The following CDH12 variants were observed in gnomAD, a reference collection of about 807,000 sequenced individuals.
The protein encoded by CDH12 is cadherin 12, also known as cadherin-12.
CDH12 carries 41 observed loss-of-function variants against 74.1 expected under a neutral mutation model. The ratio of observed to expected loss-of-function variants is 0.55; its 90% CI spans 0.43 to 0.72. The LOEUF (loss-of-function observed/expected upper bound fraction) is 0.72. Ranked by LOEUF, CDH12 falls within the 30% of genes least tolerant of loss-of-function variation. CDH12 has a pLI of 0.00. For missense variants in CDH12, 945 were observed against 977.2 expected (o/e 0.97, Z 0.44); for synonymous variants, 399 against 355.0 (o/e 1.12, Z -1.39).
At chr5:21,925,959 T>C (rs1235822713) in intron 6 of CDH12, among the ~76,000 whole-genome samples, 2 of 152,020 alleles carry the variant, frequency 1.3e-5, no homozygotes, top group Non-Finnish European at 2.9e-5. Flanking sequence ...AAAGAAATGA[T>C]TTCTGGCATC....
chr5:22,814,381 T>C (rs2126457242), intron 1 of CDH12, among the ~76,000 whole-genome samples: 1 of 152,314 alleles, frequency 6.6e-6, no homozygotes, highest in East Asian at 1.9e-4. Flanking sequence ...AAAAATTTTG[T>C]GCTTGCTATT....
At chr5:22,482,513 T>A (rs1746423134) in intron 2 of CDH12, among the ~76,000 whole-genome samples, 1 of 152,142 alleles carries the variant, frequency 6.6e-6, no homozygotes, top group African/African-American at 2.4e-5. Context: ...TATTTAAAAC[T>A]TATCATGTAT....
chr5:22,459,737 C>G (rs188513998), intron 2 of CDH12, among the ~76,000 whole-genome samples: 5 of 152,022 alleles, frequency 3.3e-5, no homozygotes, highest in Non-Finnish European at 5.9e-5. Flanking sequence ...CACTTTGAGG[C>G]GGGTGGATCA....
chr5:21,930,080 T>C (rs975465760), intron 6 of CDH12, among the ~76,000 whole-genome samples: 1 of 152,160 alleles, frequency 6.6e-6, no homozygotes, highest in African/African-American at 2.4e-5. Context: ...AGTAACATAG[T>C]AAATATGGAT....
chr5:22,061,432 T>C (rs141271528), intron 5 of CDH12, among the ~76,000 whole-genome samples: 81 of 152,298 alleles, frequency 5.3e-4, no homozygotes, highest in Admixed American at 1.0e-3. Flanking sequence ...AATTCATTCG[T>C]ATTCAAATAT....
At chr5:22,493,212 C>T (rs1037781936) in intron 2 of CDH12, among the ~76,000 whole-genome samples, 2 of 152,172 alleles carry the variant, frequency 1.3e-5, no homozygotes, top group African/African-American at 4.8e-5. Flanking sequence ...GAATTAAACT[C>T]CCAGTGTGCC....
In CDH12 at chr5:22,801,513, C is replaced by T. The variant is rs549415663; in HGVS notation, c.-523+51545G>A. On this transcript the variant is annotated intron_variant, in intron 1 of 14. Coordinates refer to ENST00000382254, the MANE Select transcript of CDH12 (RefSeq NM_004061.5). ...ATTATCTTTCGTTTCCTCCAGCTGA[C>T]GAATTTGTCTTTTAACATCCTACAA... Among the ~76,000 whole-genome samples the T allele has an allele frequency of 3.5e-4, 53 of 151,504 alleles. 1 individual carries two copies. Among genetic ancestry groups the T allele is most frequent in the Admixed American group, 2.5e-3 (38 of 15,192 alleles).
intron 1 of CDH12, among the ~76,000 whole-genome samples, chr5:22,686,071 T>C (rs965731335): frequency 2.0e-5 from 3 of 152,188 alleles, no homozygotes; most frequent in Non-Finnish European, 4.4e-5. Context: ...ACTGTCCTTC[T>C]TTTTGATTAT....
intron 1 of CDH12, among the ~76,000 whole-genome samples, chr5:22,587,241 G>A (rs1740450166): frequency 6.6e-6 from 1 of 151,818 alleles, no homozygotes; most frequent in South Asian, 2.1e-4. Context: ...AGTATGATGG[G>A]GTATTCACTT....
chr5:22,305,766 C>G (rs1206355767), intron 3 of CDH12, among the ~76,000 whole-genome samples: 1 of 152,192 alleles, frequency 6.6e-6, no homozygotes, highest in Non-Finnish European at 1.5e-5. Flanking sequence ...CATATTCAAG[C>G]ATTCACTCAC....
chr5:22,106,033 A>G (rs1744421642), intron 4 of CDH12, among the ~76,000 whole-genome samples: 1 of 152,204 alleles, frequency 6.6e-6, no homozygotes, highest in Admixed American at 6.5e-5. Context: ...TACTATTGCC[A>G]TAGAAGTTTC....
chr5:22,426,056 G>GC (rs1743921873), intron 2 of CDH12, among the ~76,000 whole-genome samples: 5 of 151,666 alleles, frequency 3.3e-5, no homozygotes, highest in African/African-American at 1.2e-4. Flanking sequence ...GTGTGGTGGC[G>GC]GGCGCCTGTA....
At chr5:22,585,147 C>T (rs553110722) in intron 1 of CDH12, among the ~76,000 whole-genome samples, 2 of 152,058 alleles carry the variant, frequency 1.3e-5, no homozygotes, top group African/African-American at 4.8e-5. Flanking sequence ...CTGAAAGTAA[C>T]GTTGTTTTTG....
intron 11 of CDH12, among the ~76,000 whole-genome samples, chr5:21,775,425 G>A (rs1428658861): frequency 6.6e-6 from 1 of 152,098 alleles, no homozygotes; most frequent in African/African-American, 2.4e-5. Context: ...GAATGAGAAG[G>A]AGGGCAGACT....
In CDH12 at chr5:22,284,950, G is replaced by GAAA. The variant is rs58641614; in HGVS notation, c.-332-72310_-332-72308dup. Among the ~76,000 whole-genome samples the GAAA allele has an allele frequency of 1.3e-4, 18 of 140,576 alleles. 1 individual carries two copies. The highest frequency in any genetic ancestry group is 3.1e-4 in the African/African-American group (12 of 38,360). The allele number at this position is 140,576 out of a possible 152,430, so 92.2% of individuals were successfully genotyped here. A position where few individuals can be genotyped will look rare whatever the true frequency, so the allele number is the denominator to read the frequency against. Reference sequence around the variant, plus strand: ...AAGAGAAAAAAAGGGAAGAAGAAATGAAAAAAAAAAAAGCATTGAGCAAAG... The same window carrying GAAA: ...AAGAGAAAAAAAGGGAAGAAGAAATGAAAAAAAAAAAAAAAGCATTGAGCAAAG... On this transcript the variant is annotated intron_variant, in intron 3 of 14. Coordinates refer to ENST00000382254, the MANE Select transcript of CDH12 (RefSeq NM_004061.5).
chr5:21,817,784 A>C (rs1259629736), intron 8 of CDH12, among the ~76,000 whole-genome samples: 1 of 150,648 alleles, frequency 6.6e-6, no homozygotes, highest in Non-Finnish European at 1.5e-5. Flanking sequence ...TTAAATCATA[A>C]AGTTCTGTCT....
chr5:22,510,128 C>A (rs571714531), intron 1 of CDH12, among the ~76,000 whole-genome samples: 63 of 151,994 alleles, frequency 4.1e-4, no homozygotes, highest in African/African-American at 1.5e-3. Flanking sequence ...GTAATAGACA[C>A]ATAATACACA....
rs559474529 is a variant in CDH12 at position 21,942,389 on chromosome 5, CATAT to C, written c.526+32698_526+32701del. On this transcript the variant is annotated intron_variant, in intron 6 of 14. Coordinates refer to ENST00000382254, the MANE Select transcript of CDH12 (RefSeq NM_004061.5). ...ACACACACACACACACACACACACA[CATAT>C]ATATGTGTGGGTGTGTATTAGGAAA... 4.9e-3 allele frequency among the ~76,000 whole-genome samples: 575 copies of C among 117,886 alleles called. 1 individual carries two copies. Among genetic ancestry groups the C allele is most frequent in the African/African-American group, 0.017 (521 of 31,410 alleles). 77.3% of individuals were successfully genotyped at this position (117,886 alleles called of 152,430 possible). A position where few individuals can be genotyped will look rare whatever the true frequency, so the allele number is the denominator to read the frequency against.
At chr5:21,934,786 C>A (rs577641588) in intron 6 of CDH12, among the ~76,000 whole-genome samples, 24 of 151,916 alleles carry the variant, frequency 1.6e-4, no homozygotes, top group African/African-American at 5.1e-4. Context: ...CCACATTCTT[C>A]CTTTTCTCCT....
Sources: gnomAD v4.1 joint callset for allele counts (sites outside exome capture counted in the v4.1 genomes callset) on GRCh38, gnomAD v4.1.1 for gene constraint, MANE v1.5 for transcripts, NCBI Gene and HGNC (gene_info 2026-07-23, HGNC 2026-07-21) for gene names.